GLRA3: variants seen among roughly 807,000 people sequenced by gnomAD.
GLRA3 encodes glycine receptor subunit alpha-3.
A neutral mutation model predicts 60.4 loss-of-function variants in GLRA3; 44 were observed. The ratio of observed to expected loss-of-function variants is 0.73; its 90% CI spans 0.57 to 0.94. The LOEUF is 0.94. Ranked by LOEUF, GLRA3 falls within the 40% of genes least tolerant of loss-of-function variation. The probability of loss-of-function intolerance (pLI) is 0.00; values close to 1 mark genes in which losing one functional copy is unlikely to be tolerated. For synonymous variants in GLRA3, 223 were observed against 192.9 expected, an observed-to-expected ratio of 1.16 and a Z score of -1.29; for missense variants, 508 against 564.6, an observed-to-expected ratio of 0.90 and a Z score of 1.02.
At chr4:174,754,002 G>A (rs942945802) in intron 3 of GLRA3, among the ~76,000 whole-genome samples, 29 of 151,792 alleles carry the variant, frequency 1.9e-4, no homozygotes, top group African/African-American at 6.8e-4. Flanking sequence ...GTTTCTCCTT[G>A]ACATTTCCCT....
chr4:174,774,469 C>A (rs1738516223), intron 2 of GLRA3, among the ~76,000 whole-genome samples: 1 of 58,028 alleles, frequency 1.7e-5, no homozygotes, highest in Admixed American at 1.7e-4. Flanking sequence ...CCAACTTAAT[C>A]AGGTAATCAT....
At chr4:174,827,596 G>A (rs1741029236) in intron 1 of GLRA3, among the ~76,000 whole-genome samples, 1 of 151,686 alleles carries the variant, frequency 6.6e-6, no homozygotes, top group South Asian at 2.1e-4. Context: ...ATATCAAGAT[G>A]ATTTTTATTG....
intron 2 of GLRA3, among the ~76,000 whole-genome samples, chr4:174,777,035 G>A (rs992441498): frequency 1.3e-5 from 2 of 152,136 alleles, no homozygotes; most frequent in African/African-American, 2.4e-5. Context: ...AGGGCAATGT[G>A]TTAGACACAG....
chr4:174,825,708 G>A (rs6834953), intron 1 of GLRA3, among the ~76,000 whole-genome samples: 56,723 of 151,740 alleles, frequency 0.37, 10,776 homozygotes, highest in South Asian at 0.44. Context: ...ACATAAAATA[G>A]CAATATCCAA....
At chr4:174,787,925 A>G (rs1186996645) in intron 2 of GLRA3, among the ~76,000 whole-genome samples, 1 of 151,976 alleles carries the variant, frequency 6.6e-6, no homozygotes, top group East Asian at 1.9e-4. Context: ...ACTCCATTCT[A>G]GTTATTTCAC....
chr4:174,756,049 C>A (rs896707267), intron 3 of GLRA3, among the ~76,000 whole-genome samples: 2 of 152,006 alleles, frequency 1.3e-5, no homozygotes, highest in Admixed American at 1.3e-4. Flanking sequence ...AAAACTATTA[C>A]AAAACTGATG....
Position 174,689,499 on chromosome 4 carries a change from C to T in GLRA3, c.575-6560G>A, listed in dbSNP as rs74667447. ...CATAGATTGCATAGCATTGAAGTCACGGCTTTTAGAGTATCCATTACCCAA... is the reference window on the plus strand; with the variant it reads ...CATAGATTGCATAGCATTGAAGTCATGGCTTTTAGAGTATCCATTACCCAA... On this transcript the variant is annotated intron_variant, in intron 5 of 9. Coordinates refer to ENST00000274093, the MANE Select transcript of GLRA3 (RefSeq NM_006529.4). Among the ~76,000 whole-genome samples the T allele has an allele frequency of 0.019, 2,850 of 152,010 alleles. 274 individuals are homozygous for T. In the East Asian group the frequency reaches 0.29, roughly 16 times the overall value.
chr4:174,813,239 G>A (rs1740340933), intron 1 of GLRA3, among the ~76,000 whole-genome samples: 1 of 152,140 alleles, frequency 6.6e-6, no homozygotes, highest in African/African-American at 2.4e-5. Flanking sequence ...TTTACAGAGT[G>A]ATGAGATGAT....
chr4:174,731,796 A>G (rs1303444756), intron 3 of GLRA3, among the ~76,000 whole-genome samples: 1 of 152,204 alleles, frequency 6.6e-6, no homozygotes, highest in Non-Finnish European at 1.5e-5. Flanking sequence ...ATTTCATACC[A>G]ATAATTGAGA....
At chr4:174,808,923 A>T (rs1052047694) in intron 1 of GLRA3, among the ~76,000 whole-genome samples, 1 of 152,198 alleles carries the variant, frequency 6.6e-6, no homozygotes, top group South Asian at 2.1e-4. Flanking sequence ...AAAAAAATTG[A>T]AAGTTTATAA....
At chr4:174,752,384 G>C (rs1338111219) in intron 3 of GLRA3, among the ~76,000 whole-genome samples, 1 of 152,028 alleles carries the variant, frequency 6.6e-6, no homozygotes, top group African/African-American at 2.4e-5. Context: ...AGCTCAAAGA[G>C]GCACCTGGCT....
At chr4:174,705,520 C>T (rs539285371) in intron 5 of GLRA3, among the ~76,000 whole-genome samples, 1 of 144,228 alleles carries the variant, frequency 6.9e-6, no homozygotes, top group Middle Eastern at 3.5e-3. Context: ...TGCAGAAGAC[C>T]TTGTGGTATC....
chr4:174,735,891 AT>A (rs1173594631), intron 3 of GLRA3, among the ~76,000 whole-genome samples: 1 of 152,122 alleles, frequency 6.6e-6, no homozygotes, highest in Non-Finnish European at 1.5e-5. Context: ...GCTTACTATT[AT>A]TTTTGGACCT....
At chr4:174,790,321 A>C (rs1348111215) in intron 1 of GLRA3, among the ~76,000 whole-genome samples, 1 of 152,100 alleles carries the variant, frequency 6.6e-6, no homozygotes, top group Non-Finnish European at 1.5e-5. Flanking sequence ...TGCTCAACCA[A>C]ACTGTCATTG....
chr4:174,706,145 G>A (rs1218364083), intron 5 of GLRA3, among the ~76,000 whole-genome samples: 4 of 151,950 alleles, frequency 2.6e-5, no homozygotes, highest in African/African-American at 7.3e-5. Flanking sequence ...CAGGAGAATG[G>A]CGTGAACCCG....
rs573203823 is a variant in GLRA3, at chr4:174,829,135, TC to T, written c.-325del. The stretch of plus-strand genomic sequence containing the variant: ...GCAGCAAAGGAAGAATGTTCGTTCT[TC>T]CCTGACTGAGACCCAGGATTGGAGG... On this transcript the variant is annotated 5_prime_UTR_variant, in exon 1 of 10. Transcript: ENST00000274093. 29 of 210,032 alleles carry T rather than the reference TC, an allele frequency of 1.4e-4. No individual in the cohort carries two copies. The East Asian group carries it at 3.4e-3, about 24-fold the overall frequency. 13.0% of individuals were successfully genotyped at this position (210,032 alleles called of 1,614,324 possible).
At chr4:174,711,225 T>C (rs932157916) in intron 5 of GLRA3, among the ~76,000 whole-genome samples, 17 of 151,808 alleles carry the variant, frequency 1.1e-4, no homozygotes, top group Non-Finnish European at 2.2e-4. Context: ...CTTGGTGGTG[T>C]ATAACATAAA....
intron 5 of GLRA3, among the ~76,000 whole-genome samples, chr4:174,709,382 G>C (rs1283427166): frequency 1.3e-5 from 2 of 151,886 alleles, no homozygotes; most frequent in East Asian, 3.9e-4. Context: ...TATTTTTATT[G>C]TTACTTTCTT....
intron 3 of GLRA3, among the ~76,000 whole-genome samples, chr4:174,737,193 A>G (rs1736832350): frequency 6.6e-6 from 1 of 152,222 alleles, no homozygotes; most frequent in Non-Finnish European, 1.5e-5. Context: ...ACCAAAATAA[A>G]TAATGTGAAC....
Sources: allele counts gnomAD v4.1 joint callset (sites outside exome capture counted in the v4.1 genomes callset), GRCh38; gene constraint gnomAD v4.1.1; transcripts MANE v1.5; gene names NCBI Gene and HGNC (gene_info 2026-07-23, HGNC 2026-07-21).